Variants in STK33 observed in about 807,000 individuals in gnomAD.
The protein encoded by STK33 is serine/threonine kinase 33, also known as serine/threonine-protein kinase 33.
Under a neutral mutation model 58.0 loss-of-function variants are expected in STK33, and 52 were observed. The ratio of observed to expected loss-of-function variants is 0.90; its 90% CI spans 0.72 to 1.13. The LOEUF is 1.13. Among genes scored for constraint, STK33 ranks in the 50% most tolerant of loss-of-function variants. The probability of loss-of-function intolerance (pLI) is 0.00; values close to 1 mark genes in which losing one functional copy is unlikely to be tolerated. For synonymous variants in STK33, 215 were observed against 200.1 expected (o/e 1.07, Z -0.63); for missense variants, 630 against 604.2 (o/e 1.04, Z -0.45).
At chr11:8,553,848 C>G (rs963559432) in intron 1 of STK33, among the ~76,000 whole-genome samples, 2 of 151,950 alleles carry the variant, frequency 1.3e-5, no homozygotes, top group African/African-American at 4.8e-5. Context: ...AACTATAAAG[C>G]TACTAGAAGA....
At chr11:8,379,534 T>C in the STK33 span, among the ~76,000 whole-genome samples, 4 of 152,036 alleles carry the variant, frequency 2.6e-5, no homozygotes, top group African/African-American at 9.7e-5. Flanking sequence ...CCAACAAACA[T>C]GAAAAAATGC....
chr11:8,534,558 C>CTGTGTG (rs1418268168), intron 1 of STK33, among the ~76,000 whole-genome samples: 14 of 130,454 alleles, frequency 1.1e-4, no homozygotes, highest in African/African-American at 4.1e-4. Flanking sequence ...CTCTCTCTCT[C>CTGTGTG]TCTCTCTCTC....
chr11:8,537,347 C>A lies in STK33; in HGVS notation c.-465-56733G>T, dbSNP rs183479849. 3.1e-3 allele frequency among the ~76,000 whole-genome samples: 471 copies of A among 152,188 alleles called. 3 individuals are homozygous for A. The highest frequency in any genetic ancestry group is 0.011 in the African/African-American group (452 of 41,520). On this transcript the variant is annotated intron_variant, in intron 1 of 15. Coordinates refer to ENST00000687296, the MANE Select transcript of STK33 (RefSeq NM_001352389.2). ...TCAAGTGATCCTCCCACCTCAGCCT[C>A]CCAAAGTACTGGGATTACAGGCGTA...
chr11:8,363,146 C>T, the STK33 span, among the ~76,000 whole-genome samples: 2 of 151,746 alleles, frequency 1.3e-5, no homozygotes, highest in African/African-American at 4.8e-5. Context: ...TGAGGAGTAG[C>T]CAGAGAGAGG....
intron 6 of STK33, among the ~76,000 whole-genome samples, chr11:8,471,935 C>T (rs900582055): frequency 6.6e-6 from 1 of 151,914 alleles, no homozygotes; most frequent in Non-Finnish European, 1.5e-5. Context: ...ATTTATTTTA[C>T]TGTTTTTGGA....
At chr11:8,343,532 TC>T in the STK33 span, among the ~76,000 whole-genome samples, 2,642 of 151,814 alleles carry the variant, frequency 0.017, 79 homozygotes, top group African/African-American at 0.061. Context: ...CTGCTGGAAA[TC>T]CCCCGCACAC....
At chr11:8,429,176 A>T (rs1471972776) in intron 14 of STK33, among the ~76,000 whole-genome samples, 2 of 152,210 alleles carry the variant, frequency 1.3e-5, no homozygotes, top group Non-Finnish European at 2.9e-5. Context: ...GATGTCCCAT[A>T]TGGGTAAAAA....
the STK33 span, among the ~76,000 whole-genome samples, chr11:8,353,162 G>A: frequency 4.6e-5 from 7 of 152,198 alleles, no homozygotes; most frequent in Admixed American, 2.0e-4. Flanking sequence ...CCAGGCCATG[G>A]AACCAGAAGG....
intron 3 of STK33, 95 bp downstream of exon 3, chr11:8,477,155 C>CAG (rs1949354952): frequency 6.6e-6 from 1 of 151,494 alleles, no homozygotes; most frequent in Non-Finnish European, 1.5e-5. Context: ...CACACACACA[C>CAG]ACACACACAC....
chr11:8,494,199 C>G (rs976969091), intron 1 of STK33, among the ~76,000 whole-genome samples: 7 of 152,150 alleles, frequency 4.6e-5, no homozygotes, highest in African/African-American at 1.7e-4. Context: ...TTAGAAAACC[C>G]CATCGTCTCA....
intron 1 of STK33, among the ~76,000 whole-genome samples, chr11:8,515,344 C>A (rs939910993): frequency 4.6e-5 from 7 of 152,028 alleles, no homozygotes; most frequent in African/African-American, 1.7e-4. Flanking sequence ...AAACATAGAA[C>A]CTACCAAGAT....
intron 1 of STK33, among the ~76,000 whole-genome samples, chr11:8,562,308 T>C (rs1410283889): frequency 3.9e-5 from 6 of 152,138 alleles, no homozygotes; most frequent in Non-Finnish European, 5.9e-5. Context: ...AGGTTAGAAA[T>C]CAAAAGATAC....
chr11:8,524,526 A>T (rs1953860756), intron 1 of STK33, among the ~76,000 whole-genome samples: 1 of 152,160 alleles, frequency 6.6e-6, no homozygotes, highest in Non-Finnish European at 1.5e-5. Flanking sequence ...AATGTGCTCA[A>T]CATCACTAAT....
intron 1 of STK33, among the ~76,000 whole-genome samples, chr11:8,494,733 G>T (rs1354805726): frequency 6.6e-6 from 1 of 152,116 alleles, no homozygotes; most frequent in African/African-American, 2.4e-5. Context: ...CCTGGTACTG[G>T]TACCAAAACA....
chr11:8,512,916 C>T (rs1360244163), intron 1 of STK33, among the ~76,000 whole-genome samples: 3 of 152,054 alleles, frequency 2.0e-5, no homozygotes, highest in Non-Finnish European at 2.9e-5. Context: ...TATTTAGCGC[C>T]CCTAGGTTTA....
chr11:8,527,233 C>G lies in STK33; in HGVS notation c.-465-46619G>C, dbSNP rs1428462283. On this transcript the variant is annotated intron_variant, in intron 1 of 15. Transcript: ENST00000687296. ...TCAAATGATCCGCCCACCTTGACCT[C>G]CCAAAGTGCTGGGCTTACAGGCATG... Among the ~76,000 whole-genome samples, 3 of 152,128 alleles carry G rather than the reference C, an allele frequency of 2.0e-5. No individual in the cohort carries two copies. The East Asian group carries it at 5.8e-4, about 29-fold the overall frequency.
the STK33 span, among the ~76,000 whole-genome samples, chr11:8,371,721 C>T: frequency 0.043 from 6,026 of 138,576 alleles, 179 homozygotes; most frequent in Non-Finnish European, 0.068. Context: ...ATTTATTTCC[C>T]TCCCTTCTTC....
chr11:8,409,003 T>C (rs559846979), intron 15 of STK33, among the ~76,000 whole-genome samples: 2 of 152,302 alleles, frequency 1.3e-5, no homozygotes, highest in South Asian at 2.1e-4. Context: ...AGAAGGAAAG[T>C]AGGTATTCAG....
the STK33 span, among the ~76,000 whole-genome samples, chr11:8,359,154 T>A: frequency 6.6e-6 from 1 of 152,162 alleles, no homozygotes; most frequent in Non-Finnish European, 1.5e-5. Context: ...CAGAGGAACA[T>A]GACAACTGAG....
Sources: gnomAD v4.1 joint callset for allele counts (sites outside exome capture counted in the v4.1 genomes callset) on GRCh38, gnomAD v4.1.1 for gene constraint, MANE v1.5 for transcripts, NCBI Gene and HGNC (gene_info 2026-07-23, HGNC 2026-07-21) for gene names.